Variants in TSGA10 observed in about 807,000 individuals in gnomAD.
The protein encoded by TSGA10 is testis specific 10.
TSGA10 carries 43 observed loss-of-function variants against 96.6 expected under a neutral mutation model. The ratio of observed to expected loss-of-function variants is 0.44; its 90% CI spans 0.35 to 0.57. The LOEUF is 0.57. TSGA10 is among the 20% of genes least tolerant of loss of function. The pLI is 0.01. For synonymous variants in TSGA10, 229 were observed against 269.9 expected, an observed-to-expected ratio of 0.85 and a Z score of 1.48; for missense variants, 703 against 834.4, an observed-to-expected ratio of 0.84 and a Z score of 1.94.
intron 16 of TSGA10, among the ~76,000 whole-genome samples, chr2:99,049,841 C>T (rs1281577500): frequency 6.6e-6 from 1 of 151,794 alleles, no homozygotes; most frequent in Non-Finnish European, 1.5e-5. Context: ...GTTCTTCAAA[C>T]TGAAAATAAC....
intron 20 of TSGA10, among the ~76,000 whole-genome samples, chr2:99,010,589 C>T (rs1447173049): frequency 6.6e-6 from 1 of 152,242 alleles, no homozygotes; most frequent in African/African-American, 2.4e-5. Context: ...CACACACTCC[C>T]AGTCTCCAGC....
intron 1 of TSGA10, among the ~76,000 whole-genome samples, chr2:99,133,015 G>A (rs142562947): frequency 2.1e-4 from 32 of 152,082 alleles, no homozygotes; most frequent in Non-Finnish European, 2.9e-4. Flanking sequence ...TCAATTATGC[G>A]GTCAATTTTA....
Position 99,154,918 on chromosome 2 carries a change from C to T in TSGA10, c.-846G>A, listed in dbSNP as rs2093733632. On this transcript the variant is annotated 5_prime_UTR_variant, in exon 1 of 21. Transcript: ENST00000393483. The stretch of plus-strand genomic sequence containing the variant: ...GCGATCCCTGCGCGCCCCTCCTTCT[C>T]TTGCGCTTCAGGGGGCCGGCCCTCA... 2.3e-6 allele frequency: 1 copy of T among 440,356 alleles called. No individual in the cohort carries two copies. Among genetic ancestry groups the T allele is most frequent in the Non-Finnish European group, 4.6e-6 (1 of 218,234 alleles). 27.3% of individuals were successfully genotyped at this position (440,356 alleles called of 1,614,324 possible).
At chr2:99,129,603 C>G (rs2092980854) in intron 1 of TSGA10, among the ~76,000 whole-genome samples, 1 of 152,160 alleles carries the variant, frequency 6.6e-6, no homozygotes, top group South Asian at 2.1e-4. Context: ...ATCAGTGTAT[C>G]TGAAATTCCC....
At chr2:99,072,935 C>G in intron 13 of TSGA10, 83 bp downstream of exon 13, 6 of 945,588 alleles carry the variant, frequency 6.3e-6, no homozygotes, top group Non-Finnish European at 1.0e-5. Flanking sequence ...TCATTAAGCC[C>G]CTTGTTTCTT....
At position 99,073,012 on chromosome 2, in the gene TSGA10, A is replaced by T. The variant is rs770294955; in HGVS notation, c.938+6T>A. 84 of 1,605,958 alleles carry T rather than the reference A, an allele frequency of 5.2e-5. No homozygotes were observed. Among genetic ancestry groups the T allele is most frequent in the Non-Finnish European group, 6.9e-5 (81 of 1,174,488 alleles). Reference sequence around the variant, plus strand: ...AGCTCATATATTTGTTGCACGACTGATTTACCTTGATGCCTGTTCCATCTC... The same window carrying T: ...AGCTCATATATTTGTTGCACGACTGTTTTACCTTGATGCCTGTTCCATCTC... On this transcript the variant is annotated splice_donor_region_variant and intron_variant, in intron 13 of 20. Coordinates refer to ENST00000393483, the MANE Select transcript of TSGA10 (RefSeq NM_025244.4).
chr2:99,116,357 A>C (rs1049468331), intron 4 of TSGA10, among the ~76,000 whole-genome samples: 7 of 100,016 alleles, frequency 7.0e-5, no homozygotes, highest in African/African-American at 1.7e-4. Flanking sequence ...AAAGTACTCA[A>C]TCAAGAAAAA....
At chr2:99,092,346 C>G (rs1285467284) in intron 10 of TSGA10, among the ~76,000 whole-genome samples, 1 of 151,896 alleles carries the variant, frequency 6.6e-6, no homozygotes, top group Non-Finnish European at 1.5e-5. Context: ...AGAGCACAAA[C>G]AGACAATCTA....
intron 10 of TSGA10, among the ~76,000 whole-genome samples, chr2:99,097,059 T>TG (rs2090136364): frequency 6.6e-6 from 1 of 151,902 alleles, no homozygotes; most frequent in African/African-American, 2.4e-5. Flanking sequence ...TGTCAGGCAA[T>TG]GGGGAGGAGG....
At chr2:99,093,664 A>G (rs957579068) in intron 10 of TSGA10, among the ~76,000 whole-genome samples, 1 of 152,132 alleles carries the variant, frequency 6.6e-6, no homozygotes, top group Non-Finnish European at 1.5e-5. Context: ...CTGCAAAGAA[A>G]AAAAAAACAA....
At chr2:99,007,837 G>A (rs1573399288) in intron 20 of TSGA10, among the ~76,000 whole-genome samples, 1 of 152,260 alleles carries the variant, frequency 6.6e-6, no homozygotes, top group Non-Finnish European at 1.5e-5. Context: ...GCACACCACT[G>A]AGCTATCCCT....
intron 12 of TSGA10, among the ~76,000 whole-genome samples, chr2:99,074,875 T>A (rs1216363370): frequency 2.0e-5 from 3 of 151,970 alleles, no homozygotes; most frequent in African/African-American, 7.3e-5. Flanking sequence ...AGGGAATCAC[T>A]TGAACTCGGG....
At chr2:99,078,953 C>T (rs1432522586) in intron 11 of TSGA10, 140 bp from the exon 12 acceptor site, 1 of 689,558 alleles carries the variant, frequency 1.5e-6, no homozygotes, top group Non-Finnish European at 2.1e-6. Flanking sequence ...TACTATATCC[C>T]AAATTAAAAA....
At chr2:99,022,726 AG>A (rs1224849142) in intron 17 of TSGA10, among the ~76,000 whole-genome samples, 6 of 152,204 alleles carry the variant, frequency 3.9e-5, no homozygotes, top group Non-Finnish European at 7.4e-5. Context: ...ATGAGCTGTA[AG>A]GCAATCTAAT....
At chr2:99,093,117 T>G (rs1190498528) in intron 10 of TSGA10, among the ~76,000 whole-genome samples, 1 of 152,168 alleles carries the variant, frequency 6.6e-6, no homozygotes, top group Non-Finnish European at 1.5e-5. Context: ...TCAATAAATG[T>G]GACAGACCAC....
intron 4 of TSGA10, among the ~76,000 whole-genome samples, chr2:99,111,506 C>A (rs2091812860): frequency 6.6e-6 from 1 of 152,106 alleles, no homozygotes; most frequent in African/African-American, 2.4e-5. Flanking sequence ...ATGTATTTTG[C>A]AATTCATCAA....
chr2:99,042,128 T>C (rs1446388212), intron 16 of TSGA10, among the ~76,000 whole-genome samples: 3 of 150,226 alleles, frequency 2.0e-5, no homozygotes, highest in Non-Finnish European at 4.4e-5. Flanking sequence ...CTGCAACCTC[T>C]CTGGTTGAAA....
chr2:99,102,728 A>G, intron 10 of TSGA10: 1 of 1,609,132 alleles, frequency 6.2e-7, no homozygotes, highest in Non-Finnish European at 8.5e-7. Flanking sequence ...AAGACTTTGT[A>G]GAAGATGATA....
intron 20 of TSGA10, among the ~76,000 whole-genome samples, chr2:99,012,778 C>T (rs541671908): frequency 1.6e-4 from 25 of 152,268 alleles, no homozygotes; most frequent in African/African-American, 6.0e-4. Flanking sequence ...GTCATCAATA[C>T]AGAAAGTCAA....
Sources: allele counts gnomAD v4.1 joint callset (sites outside exome capture counted in the v4.1 genomes callset), GRCh38; gene constraint gnomAD v4.1.1; transcripts MANE v1.5; gene names NCBI Gene and HGNC (gene_info 2026-07-23, HGNC 2026-07-21).